Variants in RBFOX1 observed in about 807,000 individuals in gnomAD.
RBFOX1 encodes RNA binding protein fox-1 homolog 1.
In RBFOX1, 8 loss-of-function variants were observed where a neutral mutation model predicts 57.7. The observed-to-expected ratio is 0.14, with a 90% CI of 0.08 to 0.25. The LOEUF (loss-of-function observed/expected upper bound fraction) is 0.25, where lower values mean the gene tolerates loss of function less well. Ranked by LOEUF, RBFOX1 falls within the 10% of genes least tolerant of loss-of-function variation. The pLI, the probability that RBFOX1 is intolerant of heterozygous loss-of-function variation, is 1.00. For synonymous variants in RBFOX1, 326 were observed against 222.4 expected (o/e 1.47, Z -4.15); for missense variants, 611 against 548.5 (o/e 1.11, Z -1.14).
chr16:6,629,283 A>G (rs549739237), intron 2 of RBFOX1, among the ~76,000 whole-genome samples: 1 of 152,322 alleles, frequency 6.6e-6, no homozygotes, highest in South Asian at 2.1e-4. Context: ...CAAAAAGAAC[A>G]CGAGCATATA....
intron 1 of RBFOX1, among the ~76,000 whole-genome samples, chr16:6,057,709 C>T (rs1181809986): frequency 2.0e-5 from 3 of 151,782 alleles, no homozygotes; most frequent in Non-Finnish European, 4.4e-5. Flanking sequence ...ATGTTGGTGT[C>T]CTTGGAGTGC....
chr16:7,096,854 C>T (rs759172169), intron 4 of RBFOX1, among the ~76,000 whole-genome samples: 4 of 147,948 alleles, frequency 2.7e-5, no homozygotes, highest in Admixed American at 7.0e-5. Flanking sequence ...ATCACTTGAA[C>T]CCGGGAGGCG....
At chr16:6,024,537 G>T (rs1373436894) in intron 1 of RBFOX1, among the ~76,000 whole-genome samples, 1 of 152,128 alleles carries the variant, frequency 6.6e-6, no homozygotes, top group Non-Finnish European at 1.5e-5. Flanking sequence ...ATCCCAGGCT[G>T]TAGTACAGTG....
chr16:5,685,346 T>G (rs1465022207), intron 3 of RBFOX1, among the ~76,000 whole-genome samples: 1 of 152,190 alleles, frequency 6.6e-6, no homozygotes, highest in Non-Finnish European at 1.5e-5. Flanking sequence ...TCCAAGTAAG[T>G]CATTTGTCAT....
intron 4 of RBFOX1, among the ~76,000 whole-genome samples, chr16:7,438,541 C>A (rs1411929954): frequency 6.6e-6 from 1 of 152,154 alleles, no homozygotes; most frequent in African/African-American, 2.4e-5. Flanking sequence ...GGGCGTAATT[C>A]GTCCTCACAG....
intron 4 of RBFOX1, among the ~76,000 whole-genome samples, chr16:7,507,617 G>T (rs1370204678): frequency 7.1e-6 from 1 of 141,018 alleles, no homozygotes; most frequent in Non-Finnish European, 1.5e-5. Flanking sequence ...AGGCTGGAGT[G>T]CAGTGGCGCG....
chr16:5,373,945 C>G (rs534992470), intron 1 of RBFOX1, among the ~76,000 whole-genome samples: 293 of 151,346 alleles, frequency 1.9e-3, no homozygotes, highest in African/African-American at 6.6e-3. Context: ...GAGATGGAGT[C>G]TTACTCTTGT....
chr16:7,672,788 A>T (rs866506953), intron 13 of RBFOX1, among the ~76,000 whole-genome samples: 6 of 135,982 alleles, frequency 4.4e-5, no homozygotes, highest in African/African-American at 1.3e-4. Context: ...AATCGGTTGA[A>T]CCTGGGAGAC....
chr16:5,774,200 G>C (rs1252063971), intron 3 of RBFOX1, among the ~76,000 whole-genome samples: 1 of 152,150 alleles, frequency 6.6e-6, no homozygotes, highest in Non-Finnish European at 1.5e-5. Flanking sequence ...AGCCCAGAAT[G>C]GGGGATTTGG....
chr16:5,349,448 C>T (rs558054097), intron 1 of RBFOX1, among the ~76,000 whole-genome samples: 42 of 152,212 alleles, frequency 2.8e-4, no homozygotes, highest in South Asian at 1.5e-3. Flanking sequence ...GTGAGGCCAG[C>T]GGATTACTCA....
At chr16:6,705,110 A>C (rs2062497158) in intron 3 of RBFOX1, 1 of 152,164 alleles carries the variant, frequency 6.6e-6, no homozygotes, top group South Asian at 2.1e-4. Context: ...CTGTGGTCCT[A>C]GAGTTTCTTG....
intron 4 of RBFOX1, among the ~76,000 whole-genome samples, chr16:5,905,692 A>G (rs2058440499): frequency 6.6e-6 from 1 of 152,146 alleles, no homozygotes; most frequent in South Asian, 2.1e-4. Context: ...GTCCAACGCA[A>G]CAACAAAAGA....
At chr16:6,663,335 C>T (rs1250463113) in intron 3 of RBFOX1, among the ~76,000 whole-genome samples, 4 of 152,180 alleles carry the variant, frequency 2.6e-5, no homozygotes, top group South Asian at 2.1e-4. Context: ...TTGATCAACA[C>T]TGACAATGGA....
intron 1 of RBFOX1, among the ~76,000 whole-genome samples, chr16:6,288,310 CT>C (rs1253911207): frequency 2.0e-5 from 3 of 152,152 alleles, no homozygotes; most frequent in Non-Finnish European, 4.4e-5. Flanking sequence ...CTTGGGAAAT[CT>C]TGTTAAAAGA....
At chr16:7,134,354 C>A (rs954157899) in intron 4 of RBFOX1, among the ~76,000 whole-genome samples, 2 of 152,062 alleles carry the variant, frequency 1.3e-5, no homozygotes, top group East Asian at 3.9e-4. Context: ...TATATATAAC[C>A]GTCAAAGACT....
At chr16:7,596,166 C>A (rs1258539358) in intron 8 of RBFOX1, among the ~76,000 whole-genome samples, 3 of 94,534 alleles carry the variant, frequency 3.2e-5, no homozygotes, top group Non-Finnish European at 4.7e-5. Flanking sequence ...TTTTACTAAA[C>A]CTCTCGTTTT....
At chr16:5,958,591 G>T (rs1387146514) in intron 4 of RBFOX1, among the ~76,000 whole-genome samples, 2 of 152,224 alleles carry the variant, frequency 1.3e-5, no homozygotes, top group Non-Finnish European at 2.9e-5. Context: ...TAATACAGGT[G>T]TATTACTTTC....
rs1383447136 is a variant in RBFOX1 at position 6,386,202 on chromosome 16, T to A, written c.-64+69145T>A. On this transcript the variant is annotated intron_variant, in intron 2 of 15. Coordinates refer to ENST00000550418, the MANE Select transcript of RBFOX1 (RefSeq NM_018723.4). ...CGCCCGTCTCGGCCTCCCAAAGTGC[T>A]CGGATTACAGGCGTAAGAACACATT... is the stretch of plus-strand genomic sequence containing the variant. Among the ~76,000 whole-genome samples, 3 of 152,314 alleles carry A rather than the reference T, an allele frequency of 2.0e-5. No homozygotes were observed. The East Asian group carries it at 5.8e-4, about 29-fold the overall frequency.
At chr16:6,565,966 T>G (rs2097259832) in intron 2 of RBFOX1, among the ~76,000 whole-genome samples, 1 of 152,240 alleles carries the variant, frequency 6.6e-6, no homozygotes, top group South Asian at 2.1e-4. Flanking sequence ...TCTCTGTTCA[T>G]CCTGCACTGG....
Sources: gnomAD v4.1 joint callset for allele counts (sites outside exome capture counted in the v4.1 genomes callset) on GRCh38, gnomAD v4.1.1 for gene constraint, MANE v1.5 for transcripts, NCBI Gene and HGNC (gene_info 2026-07-23, HGNC 2026-07-21) for gene names.